LRIG2: variants seen among roughly 807,000 people sequenced by gnomAD.
LRIG2 encodes the protein leucine-rich repeats and immunoglobulin-like domains protein 2.
In LRIG2, 93 loss-of-function variants were observed where a neutral mutation model predicts 107.8. That is an observed-to-expected ratio of 0.86 (90% confidence interval 0.73 to 1.03). The LOEUF (loss-of-function observed/expected upper bound fraction) is 1.03, where lower values mean the gene tolerates loss of function less well. Ranked by LOEUF, LRIG2 falls within the 50% of genes least tolerant of loss-of-function variation. LRIG2 has a pLI of 0.00. For synonymous variants in LRIG2, 471 were observed against 470.6 expected, an observed-to-expected ratio of 1.00 and a Z score of -0.01; for missense variants, 1,226 against 1,296.0, an observed-to-expected ratio of 0.95 and a Z score of 0.83.
chr1:113,098,897 C>T (rs1654182998), intron 9 of LRIG2, 112 bp downstream of exon 9: 8 of 682,644 alleles, frequency 1.2e-5, no homozygotes, highest in South Asian at 3.5e-5. Flanking sequence ...AGCTTTCTGA[C>T]ACTCTGGGAG....
intron 1 of LRIG2, 109 bp from the exon 2 acceptor site, chr1:113,091,209 C>A: frequency 1.6e-6 from 1 of 627,306 alleles, no homozygotes; most frequent in Non-Finnish European, 2.7e-6. Context: ...CAGGCATGAG[C>A]CACTGTACCT....
rs200558075 is a variant in LRIG2 at position 113,093,430 on chromosome 1, A to C, written c.381A>C (p.Leu127Phe). The C allele has an allele frequency of 2.5e-6, 4 of 1,613,682 alleles. No individual in the cohort carries two copies. In the African/African-American group the frequency reaches 5.3e-5, roughly 22 times the overall value. The part of the protein sequence containing the change: ...EPTSNITLLS[L>F]VHNIIPEINA... Reference sequence around the variant, plus strand: ...CTTCATTATAATCTTTGTTTTACAGAGTCCATAATATAATCCCAGAAATAA... The same window carrying C: ...CTTCATTATAATCTTTGTTTTACAGCGTCCATAATATAATCCCAGAAATAA... The change falls in exon 4 of 18, where the codon TTA becomes TTC. Residue 127 changes from leucine (L) to phenylalanine (F), a missense_variant and splice_region_variant. By Grantham distance (22) the Leu-to-Phe change is conservative. Coordinates refer to ENST00000361127, the MANE Select transcript of LRIG2 (RefSeq NM_014813.3).
chr1:113,107,569 G>A, intron 11 of LRIG2, 25 bp from the exon 12 acceptor site: 1 of 1,597,742 alleles, frequency 6.3e-7, no homozygotes, highest in East Asian at 2.2e-5. Context: ...AACAAAGGAT[G>A]CTTTTCCTCT....
intron 8 of LRIG2, among the ~76,000 whole-genome samples, 197 bp downstream of exon 8, chr1:113,096,562 A>T (rs1654077622): frequency 6.6e-6 from 1 of 152,192 alleles, no homozygotes; most frequent in Non-Finnish European, 1.5e-5. Flanking sequence ...TAGGCAATTC[A>T]GTTTGTAGTT....
rs1655377416 is a variant in LRIG2, at chr1:113,123,951, C to G, written c.3048C>G (p.Val1016=). The change falls in exon 18 of 18, where the codon GTC becomes GTG. Residue 1016 remains valine, a synonymous_variant. Transcript: ENST00000361127. ...ATCCTCCTTTTTCCCAGCAGCCAGT[C>G]CATGAGTCACCACAACTTCATCAAA... is the stretch of plus-strand genomic sequence containing the variant. ...LPHPPFSQQP[V]HESPQLHQNE... 1.2e-6 allele frequency: 2 copies of G among 1,614,142 alleles called. No homozygotes were observed. The highest frequency in any genetic ancestry group is 2.7e-5 in the African/African-American group (2 of 75,018).
intron 1 of LRIG2, among the ~76,000 whole-genome samples, chr1:113,086,833 T>A (rs1653577466): frequency 6.6e-6 from 1 of 152,200 alleles, no homozygotes; most frequent in African/African-American, 2.4e-5. Context: ...CTGAGAGACC[T>A]TTACTCCTCT....
intron 1 of LRIG2, among the ~76,000 whole-genome samples, chr1:113,087,896 T>A (rs1371876967): frequency 2.6e-5 from 4 of 152,190 alleles, no homozygotes; most frequent in Admixed American, 2.6e-4. Context: ...AATTGTTAAG[T>A]GTTGCTTTTG....
chr1:113,105,748 A>G (rs932702383), intron 11 of LRIG2, among the ~76,000 whole-genome samples: 2 of 152,224 alleles, frequency 1.3e-5, no homozygotes, highest in African/African-American at 2.4e-5. Context: ...TCCTGTCTCA[A>G]AACACAGTTG....
In LRIG2 at chr1:113,073,272, G is replaced by T. The variant is rs975331386; in HGVS notation, c.-135G>T. ...GTCGCGCTGCGTCTGCTCCTTGCAT[G>T]CCTTTAGATGGTACAGCCTTCAGCC... is the stretch of plus-strand genomic sequence containing the variant. On this transcript the variant is annotated 5_prime_UTR_variant, in exon 1 of 18. It removes an upstream start codon present in the reference 5' UTR. Coordinates refer to ENST00000361127, the MANE Select transcript of LRIG2 (RefSeq NM_014813.3). 2 of 737,398 alleles carry T rather than the reference G, an allele frequency of 2.7e-6. No homozygotes were observed. The highest frequency in any genetic ancestry group is 4.7e-6 in the Non-Finnish European group (2 of 429,440). The allele number at this position is 737,398 out of a possible 1,614,324, so 45.7% of individuals were successfully genotyped here.
intron 12 of LRIG2, among the ~76,000 whole-genome samples, chr1:113,108,899 T>C (rs1034461468): frequency 1.3e-5 from 2 of 152,146 alleles, no homozygotes; most frequent in African/African-American, 4.8e-5. Context: ...TTTTTTTCTT[T>C]AAAGTGGAAT....
At chr1:113,085,323 G>T (rs1397367084) in intron 1 of LRIG2, among the ~76,000 whole-genome samples, 1 of 152,068 alleles carries the variant, frequency 6.6e-6, no homozygotes, top group Non-Finnish European at 1.5e-5. Context: ...CATTCTTGTT[G>T]CCCAGGCTGG....
intron 1 of LRIG2, among the ~76,000 whole-genome samples, chr1:113,090,378 T>C (rs1653747822): frequency 6.6e-6 from 1 of 152,252 alleles, no homozygotes. Context: ...AATTGGACCA[T>C]GTGAATATAT....
At chr1:113,107,084 A>G (rs1324434033) in intron 11 of LRIG2, among the ~76,000 whole-genome samples, 1 of 152,110 alleles carries the variant, frequency 6.6e-6, no homozygotes, top group Non-Finnish European at 1.5e-5. Flanking sequence ...ACAAATATAT[A>G]TATACATATA....
chr1:113,077,885 CT>C (rs1293374773), intron 1 of LRIG2, among the ~76,000 whole-genome samples: 3 of 108,806 alleles, frequency 2.8e-5, no homozygotes, highest in Non-Finnish European at 5.2e-5. Context: ...TCCCTCCCCC[CT>C]CCCCCCACCC....
intron 16 of LRIG2, among the ~76,000 whole-genome samples, chr1:113,118,795 G>A (rs1655122318): frequency 6.6e-6 from 1 of 152,084 alleles, no homozygotes; most frequent in Non-Finnish European, 1.5e-5. Flanking sequence ...CTCCCGAGTA[G>A]CTGGGACTAC....
At chr1:113,122,366 C>T (rs1054227774) in intron 17 of LRIG2, among the ~76,000 whole-genome samples, 3 of 152,112 alleles carry the variant, frequency 2.0e-5, no homozygotes, top group East Asian at 1.9e-4. Context: ...GGATTACAGG[C>T]ATGAGCCACT....
intron 2 of LRIG2, among the ~76,000 whole-genome samples, chr1:113,092,742 GTAC>G (rs1653883244): frequency 6.6e-6 from 1 of 152,192 alleles, no homozygotes; most frequent in South Asian, 2.1e-4. Flanking sequence ...GGTAATCCCA[GTAC>G]TTTGGGAGGC....
chr1:113,111,114 A>G (rs1654757442), intron 13 of LRIG2, among the ~76,000 whole-genome samples: 1 of 152,120 alleles, frequency 6.6e-6, no homozygotes, highest in African/African-American at 2.4e-5. Flanking sequence ...GGCTCACTGC[A>G]AATTCCGCCT....
At chr1:113,080,425 G>C (rs1234835033) in intron 1 of LRIG2, among the ~76,000 whole-genome samples, 1 of 151,624 alleles carries the variant, frequency 6.6e-6, no homozygotes, top group Non-Finnish European at 1.5e-5. Context: ...TGTTGCCCAG[G>C]CTGGAGTGCA....
Sources: gnomAD v4.1 joint callset for allele counts (sites outside exome capture counted in the v4.1 genomes callset) on GRCh38, gnomAD v4.1.1 for gene constraint, MANE v1.5 for transcripts, NCBI Gene and HGNC (gene_info 2026-07-23, HGNC 2026-07-21) for gene names.